The following CSMD1 variants were observed in gnomAD, a reference collection of about 807,000 sequenced individuals.
CSMD1 encodes CUB and sushi domain-containing protein 1.
In CSMD1, 213 loss-of-function variants were observed where a neutral mutation model predicts 417.5. The ratio of observed to expected loss-of-function variants is 0.51; its 90% CI spans 0.46 to 0.57. CSMD1 has a LOEUF of 0.57. Ranked by LOEUF, CSMD1 falls within the 20% of genes least tolerant of loss-of-function variation. The pLI, the probability that CSMD1 is intolerant of heterozygous loss-of-function variation, is 0.00. For missense variants in CSMD1, 6,923 were observed against 4,529.7 expected (o/e 1.53, Z -15.17); for synonymous variants, 2,862 against 1,736.8 (o/e 1.65, Z -16.11).
Position 4,460,103 on chromosome 8 carries a change from T to C in CSMD1, c.303-40038A>G, listed in dbSNP as rs1472362493. Among the ~76,000 whole-genome samples, 3 of 152,176 alleles carry C rather than the reference T, an allele frequency of 2.0e-5. No homozygotes were observed. In the East Asian group the frequency reaches 5.8e-4, roughly 29 times the overall value. ...ATGAAACATTCTCCACAACAGAGCA[T>C]ATGCCATGCCACAGAACTACTTTCA... is the stretch of plus-strand genomic sequence containing the variant. On this transcript the variant is annotated intron_variant, in intron 2 of 69. Coordinates refer to ENST00000635120, the MANE Select transcript of CSMD1 (RefSeq NM_033225.6).
Position 3,697,643 on chromosome 8 carries a change from C to T in CSMD1, c.1009+10771G>A, listed in dbSNP as rs373069241. ...GCTGGAATTGTTTTGACTCTGTGGG[C>T]GCCAAACATGAATCATTCATAATCC... On this transcript the variant is annotated intron_variant, in intron 7 of 69. Transcript: ENST00000635120. 5.0e-4 allele frequency among the ~76,000 whole-genome samples: 76 copies of T among 151,994 alleles called. 1 individual carries two copies. In the South Asian group the frequency reaches 0.013, roughly 27 times the overall value.
At chr8:3,829,700 G>A (rs979427627) in intron 5 of CSMD1, among the ~76,000 whole-genome samples, 3 of 152,114 alleles carry the variant, frequency 2.0e-5, no homozygotes, top group Non-Finnish European at 2.9e-5. Flanking sequence ...AGAAATATTT[G>A]GTTGAAAATC....
intron 1 of CSMD1, chr8:4,787,250 G>C (rs1797451072): frequency 3.7e-6 from 2 of 542,338 alleles, no homozygotes; most frequent in South Asian, 2.1e-5. Flanking sequence ...TCCCCGCCCA[G>C]AGATGCTCTC....
At chr8:4,332,209 G>C (rs1799904733) in intron 3 of CSMD1, among the ~76,000 whole-genome samples, 1 of 152,070 alleles carries the variant, frequency 6.6e-6, no homozygotes, top group Admixed American at 6.6e-5. Context: ...GAGCAAACAG[G>C]TGCGGATCCC....
chr8:3,490,798 C>A (rs1425152667), intron 11 of CSMD1, among the ~76,000 whole-genome samples: 1 of 152,080 alleles, frequency 6.6e-6, no homozygotes, highest in Non-Finnish European at 1.5e-5. Context: ...GCGACGATCG[C>A]CTTAGAAGCT....
At chr8:4,625,700 T>A (rs567935624) in intron 2 of CSMD1, among the ~76,000 whole-genome samples, 1 of 152,078 alleles carries the variant, frequency 6.6e-6, no homozygotes, top group South Asian at 2.1e-4. Context: ...GATTATCGTA[T>A]CCGTAACATA....
intron 7 of CSMD1, among the ~76,000 whole-genome samples, chr8:3,630,968 T>A (rs79653268): frequency 0.026 from 3,929 of 152,270 alleles, 68 homozygotes; most frequent in South Asian, 0.066. Flanking sequence ...CTGAAAAGCA[T>A]GGGAATCATT....
At chr8:3,433,827 G>A (rs754128193) in intron 12 of CSMD1, among the ~76,000 whole-genome samples, 3 of 152,178 alleles carry the variant, frequency 2.0e-5, no homozygotes, top group Admixed American at 1.3e-4. Context: ...ACGGGCTCCC[G>A]TGGCAGCTCA....
chr8:4,040,149 G>T (rs928415493), intron 3 of CSMD1, among the ~76,000 whole-genome samples: 14 of 152,140 alleles, frequency 9.2e-5, no homozygotes, highest in African/African-American at 3.4e-4. Context: ...GAGAGTCAAG[G>T]CTATTAATGA....
At chr8:4,394,676 C>T (rs1393154152) in intron 3 of CSMD1, among the ~76,000 whole-genome samples, 1 of 152,118 alleles carries the variant, frequency 6.6e-6, no homozygotes, top group African/African-American at 2.4e-5. Flanking sequence ...TCCCTATTCC[C>T]TTGGGCGTCT....
At chr8:4,248,545 C>T (rs1053569641) in intron 3 of CSMD1, among the ~76,000 whole-genome samples, 2 of 152,164 alleles carry the variant, frequency 1.3e-5, no homozygotes, top group Admixed American at 6.6e-5. Context: ...TTGCCATAGA[C>T]ACATTCTATT....
intron 5 of CSMD1, among the ~76,000 whole-genome samples, chr8:3,765,008 G>T (rs959292604): frequency 2.0e-5 from 3 of 152,130 alleles, no homozygotes; most frequent in Admixed American, 1.3e-4. Flanking sequence ...GCCTCCCAAA[G>T]TTCTGGGATT....
chr8:4,030,288 G>C (rs561772086), intron 4 of CSMD1, among the ~76,000 whole-genome samples: 3 of 152,302 alleles, frequency 2.0e-5, no homozygotes, highest in Admixed American at 6.5e-5. Flanking sequence ...TTCTCCATGA[G>C]GACCGCCACC....
chr8:3,785,332 G>A (rs1245178305), intron 5 of CSMD1, among the ~76,000 whole-genome samples: 3 of 151,930 alleles, frequency 2.0e-5, no homozygotes, highest in South Asian at 2.1e-4. Flanking sequence ...TAAATGCCCC[G>A]GGCAAGGCCT....
chr8:3,468,733 C>G lies in CSMD1; in HGVS notation c.1540G>C (p.Gly514Arg). 2 of 1,604,164 alleles carry G rather than the reference C, an allele frequency of 1.2e-6. No individual in the cohort carries two copies. The highest frequency in any genetic ancestry group is 1.7e-6 in the Non-Finnish European group (2 of 1,175,202). Residue 514 changes from glycine to arginine, a missense_variant, in exon 12 of 70, where the codon GGG (glycine) becomes CGG (arginine). Physicochemically the swap from Gly to Arg is moderately radical, Grantham distance 125 (BLOSUM62 -2). Transcript: ENST00000635120. The part of the protein sequence containing the change: ...LQSDDSIGSP[G>R]FKAVYQEIEK... ...ATACCTTGGTAAACAGCTTTAAACC[C>G]AGGTGAGCCAATGCTATCATCCGAC...
At chr8:3,170,446 C>T (rs1371984557) in intron 37 of CSMD1, among the ~76,000 whole-genome samples, 13 of 152,070 alleles carry the variant, frequency 8.5e-5, no homozygotes, top group Admixed American at 7.2e-4. Context: ...CTGACCTTGT[C>T]ATCCGCCCGC....
intron 49 of CSMD1, among the ~76,000 whole-genome samples, chr8:3,077,277 T>C (rs1813750762): frequency 6.6e-6 from 1 of 152,114 alleles, no homozygotes; most frequent in South Asian, 2.1e-4. Context: ...TGCCAAGACA[T>C]GGACAAAAGG....
chr8:3,523,112 G>T (rs1434992717), intron 10 of CSMD1, among the ~76,000 whole-genome samples: 1 of 151,550 alleles, frequency 6.6e-6, no homozygotes, highest in African/African-American at 2.4e-5. Context: ...AGTTACATCT[G>T]CACATTTTTC....
At chr8:3,015,846 G>A (rs188796619) in intron 52 of CSMD1, among the ~76,000 whole-genome samples, 5 of 152,130 alleles carry the variant, frequency 3.3e-5, no homozygotes, top group Admixed American at 6.5e-5. Context: ...AGGCGAGAGC[G>A]TGTCAGCATC....
Sources: allele counts gnomAD v4.1 joint callset (sites outside exome capture counted in the v4.1 genomes callset), GRCh38; gene constraint gnomAD v4.1.1; transcripts MANE v1.5; gene names NCBI Gene and HGNC (gene_info 2026-07-23, HGNC 2026-07-21).